TRPC5: variants seen among roughly 807,000 people sequenced by gnomAD.
TRPC5 encodes the protein transient receptor potential cation channel subfamily C member 5.
Under a neutral mutation model 56.5 loss-of-function variants are expected in TRPC5, and 9 were observed. The ratio of observed to expected loss-of-function variants is 0.16; its 90% CI spans 0.10 to 0.28. The LOEUF (loss-of-function observed/expected upper bound fraction) is 0.28. TRPC5 is among the 10% of genes least tolerant of loss of function. TRPC5 has a pLI of 1.00. For missense variants in TRPC5, 469 were observed against 748.9 expected (o/e 0.63, Z 4.36); for synonymous variants, 282 against 278.5 (o/e 1.01, Z -0.13).
At chrX:111,878,573 C>T (rs1924063863) in intron 3 of TRPC5, among the ~76,000 whole-genome samples, 1 of 111,717 alleles carries the variant, frequency 9.0e-6, no homozygotes, top group African/African-American at 3.3e-5. Flanking sequence ...GGAGACTGTT[C>T]TGTGTACTGT....
In TRPC5 at chrX:111,797,279, A is replaced by C. The variant is rs751511002; in HGVS notation, c.1897-15141T>G. 2.7e-5 allele frequency among the ~76,000 whole-genome samples: 3 copies of C among 112,277 alleles called. No homozygotes were observed. In the East Asian group the frequency reaches 8.4e-4, roughly 31 times the overall value. ...AATGGATCTACTAAACCTGTATGTG[A>C]AATATTGAAAGTTTTGCATTTTTCT... On this transcript the variant is annotated intron_variant, in intron 7 of 10. Coordinates refer to ENST00000262839, the MANE Select transcript of TRPC5 (RefSeq NM_012471.3).
intron 1 of TRPC5, among the ~76,000 whole-genome samples, chrX:112,046,363 A>G (rs2147730551): frequency 9.1e-6 from 1 of 110,372 alleles, no homozygotes; most frequent in South Asian, 4.0e-4. Context: ...AGCTCTTTCC[A>G]AAGACTTTAC....
intron 5 of TRPC5, among the ~76,000 whole-genome samples, chrX:111,851,018 A>G (rs1226099460): frequency 8.9e-6 from 1 of 111,976 alleles, no homozygotes; most frequent in Non-Finnish European, 1.9e-5. Context: ...TCACCCAGGC[A>G]CATTAACCAG....
At chrX:111,915,006 C>A (rs1165733227) in intron 2 of TRPC5, among the ~76,000 whole-genome samples, 3 of 110,659 alleles carry the variant, frequency 2.7e-5, no homozygotes, top group Non-Finnish European at 5.7e-5. Context: ...TCCCTGGGTT[C>A]GATTATGGGT....
chrX:111,912,957 A>G (rs1925863217), intron 2 of TRPC5, 145 bp from the exon 3 acceptor site: 5 of 622,819 alleles, frequency 8.0e-6, no homozygotes, highest in Non-Finnish European at 1.2e-5. Context: ...CCTTCCTTAT[A>G]GCTAATGTTT....
chrX:111,855,393 A>C (rs1339405972), intron 3 of TRPC5, among the ~76,000 whole-genome samples: 1 of 111,325 alleles, frequency 9.0e-6, no homozygotes, highest in Non-Finnish European at 1.9e-5. Context: ...TCCTTTTCTG[A>C]CTGACTGGGA....
chrX:112,006,574 C>T (rs1273645419), intron 1 of TRPC5, among the ~76,000 whole-genome samples: 3 of 111,079 alleles, frequency 2.7e-5, no homozygotes, highest in Non-Finnish European at 3.8e-5. Flanking sequence ...GGTCTGACTC[C>T]ACAGTCAGAC....
chrX:111,956,929 C>G (rs1431516519), intron 1 of TRPC5, among the ~76,000 whole-genome samples: 1 of 111,932 alleles, frequency 8.9e-6, no homozygotes, highest in Non-Finnish European at 1.9e-5. Context: ...AATCACCTGC[C>G]TATAACCTTT....
At chrX:111,914,121 T>G (rs1925905817) in intron 2 of TRPC5, among the ~76,000 whole-genome samples, 2 of 110,686 alleles carry the variant, frequency 1.8e-5, no homozygotes, top group South Asian at 7.8e-4. Context: ...AACAGAGGCT[T>G]TAAGAGGTGG....
At chrX:111,992,369 G>C (rs915300062) in intron 1 of TRPC5, among the ~76,000 whole-genome samples, 1 of 111,426 alleles carries the variant, frequency 9.0e-6, no homozygotes, top group Non-Finnish European at 1.9e-5. Flanking sequence ...CAAGAAAGCA[G>C]CTTTAAGCAT....
chrX:111,990,085 G>A (rs1397318084), intron 1 of TRPC5, among the ~76,000 whole-genome samples: 2 of 112,203 alleles, frequency 1.8e-5, no homozygotes, highest in Non-Finnish European at 3.8e-5. Context: ...GGGACAGTTA[G>A]ACTAAGTAGT....
chrX:112,035,707 C>T (rs1168439755), intron 1 of TRPC5, among the ~76,000 whole-genome samples: 1 of 109,708 alleles, frequency 9.1e-6, no homozygotes, highest in African/African-American at 3.3e-5. Context: ...TCTTGGCTCA[C>T]TGCAAGCTCC....
rs373142845 is a variant in TRPC5 at position 111,785,345 on chromosome X, A to T, written c.1897-3207T>A. On this transcript the variant is annotated intron_variant, in intron 7 of 10. Transcript: ENST00000262839. Reference sequence around the variant, plus strand: ...CCTGACTGTTAGAAGGAAAACTAACAAACAGATGGGAATAGCATCAACATC... The same window carrying T: ...CCTGACTGTTAGAAGGAAAACTAACTAACAGATGGGAATAGCATCAACATC... 2.7e-5 allele frequency among the ~76,000 whole-genome samples: 3 copies of T among 112,366 alleles called. No homozygotes were observed. In the East Asian group the frequency reaches 8.4e-4, roughly 31 times the overall value.
intron 1 of TRPC5, among the ~76,000 whole-genome samples, chrX:112,008,104 T>G (rs1394479811): frequency 1.8e-5 from 2 of 111,929 alleles, no homozygotes; most frequent in Admixed American, 1.9e-4. Flanking sequence ...GCTCATAGAT[T>G]AGTTCCTCTC....
At chrX:112,009,790 G>A (rs1338463463) in intron 1 of TRPC5, among the ~76,000 whole-genome samples, 2 of 110,673 alleles carry the variant, frequency 1.8e-5, no homozygotes, top group South Asian at 4.0e-4. Flanking sequence ...GGTGGGAATC[G>A]AACAATGAGA....
intron 5 of TRPC5, 84 bp downstream of exon 5, chrX:111,852,214 C>T: frequency 2.1e-6 from 2 of 936,687 alleles, no homozygotes; most frequent in Admixed American, 3.0e-5. Context: ...ATCACTTTTT[C>T]TCAAAACTCT....
At chrX:112,041,883 G>A (rs1467465731) in intron 1 of TRPC5, among the ~76,000 whole-genome samples, 3 of 111,284 alleles carry the variant, frequency 2.7e-5, no homozygotes, top group African/African-American at 9.8e-5. Context: ...TTATGAACGT[G>A]GCTCCTCTTA....
intron 7 of TRPC5, among the ~76,000 whole-genome samples, chrX:111,832,981 C>T (rs191735344): frequency 9.0e-6 from 1 of 111,375 alleles, no homozygotes. Flanking sequence ...ATTACAAATG[C>T]CTTTGCATGA....
At chrX:111,998,791 C>T (rs992971042) in intron 1 of TRPC5, among the ~76,000 whole-genome samples, 4 of 111,759 alleles carry the variant, frequency 3.6e-5, no homozygotes, top group African/African-American at 1.3e-4. Flanking sequence ...CATACTGGAA[C>T]CAACTCCCCA....
Sources: allele counts gnomAD v4.1 joint callset (sites outside exome capture counted in the v4.1 genomes callset), GRCh38; gene constraint gnomAD v4.1.1; transcripts MANE v1.5; gene names NCBI Gene and HGNC (gene_info 2026-07-23, HGNC 2026-07-21).